The following NELL1 variants were observed in gnomAD, a reference collection of about 807,000 sequenced individuals.
NELL1 encodes protein kinase C-binding protein NELL1.
Under a neutral mutation model 107.4 loss-of-function variants are expected in NELL1, and 76 were observed. The observed-to-expected ratio is 0.71, with a 90% CI of 0.59 to 0.86. The LOEUF (loss-of-function observed/expected upper bound fraction) is 0.86, where lower values mean the gene tolerates loss of function less well. Among genes scored for constraint, NELL1 ranks in the 40% least tolerant of loss-of-function variants. The pLI, the probability that NELL1 is intolerant of heterozygous loss-of-function variation, is 0.00. For missense variants in NELL1, 1,024 were observed against 1,005.5 expected, an observed-to-expected ratio of 1.02 and a Z score of -0.25; for synonymous variants, 353 against 341.2, an observed-to-expected ratio of 1.03 and a Z score of -0.38.
intron 15 of NELL1, among the ~76,000 whole-genome samples, chr11:21,516,421 T>C (rs1482870454): frequency 1.3e-5 from 2 of 152,134 alleles, no homozygotes; most frequent in African/African-American, 4.8e-5. Context: ...AGTTACCCAT[T>C]GCTTAACAAC....
chr11:20,774,737 C>A (rs1856715438), intron 2 of NELL1, among the ~76,000 whole-genome samples: 1 of 152,112 alleles, frequency 6.6e-6, no homozygotes. Context: ...GGGTGGTTAG[C>A]AGAGGGCAGG....
intron 16 of NELL1, among the ~76,000 whole-genome samples, chr11:21,548,767 C>T (rs1022254209): frequency 6.6e-6 from 1 of 151,450 alleles, no homozygotes; most frequent in African/African-American, 2.4e-5. Flanking sequence ...GTGGGACAAG[C>T]CTGGCTTTAA....
intron 2 of NELL1, among the ~76,000 whole-genome samples, chr11:20,748,910 A>AT: frequency 6.8e-6 from 1 of 146,868 alleles, no homozygotes; most frequent in Non-Finnish European, 1.5e-5. Flanking sequence ...CCACCCAGCC[A>AT]CCCATCCATC....
At chr11:21,138,233 CAT>C (rs1455802554) in intron 13 of NELL1, among the ~76,000 whole-genome samples, 5 of 152,248 alleles carry the variant, frequency 3.3e-5, no homozygotes, top group African/African-American at 9.6e-5. Context: ...CTTCCTAGGG[CAT>C]TGCGGGGATT....
intron 15 of NELL1, among the ~76,000 whole-genome samples, chr11:21,427,899 C>G (rs1852867777): frequency 6.6e-6 from 1 of 152,144 alleles, no homozygotes; most frequent in Admixed American, 6.5e-5. Flanking sequence ...CTGCAACTTC[C>G]CAGTAATGTT....
intron 2 of NELL1, among the ~76,000 whole-genome samples, chr11:20,735,566 G>A (rs1855742993): frequency 6.6e-6 from 1 of 152,126 alleles, no homozygotes. Context: ...ACAATATGTG[G>A]GGATTATGGA....
At chr11:21,333,431 A>G (rs990339209) in intron 14 of NELL1, among the ~76,000 whole-genome samples, 1 of 152,108 alleles carries the variant, frequency 6.6e-6, no homozygotes, top group African/African-American at 2.4e-5. Flanking sequence ...TAGAAAGATT[A>G]AAAGATGAAG....
chr11:20,784,543 C>T (rs992740513), intron 3 of NELL1, among the ~76,000 whole-genome samples: 26 of 135,842 alleles, frequency 1.9e-4, no homozygotes, highest in African/African-American at 7.6e-4. Flanking sequence ...TTGGGGTGGG[C>T]GATGGGGCTG....
At chr11:21,344,407 C>G (rs1219091733) in intron 14 of NELL1, among the ~76,000 whole-genome samples, 2 of 152,042 alleles carry the variant, frequency 1.3e-5, no homozygotes, top group Non-Finnish European at 2.9e-5. Flanking sequence ...GGTGTAGAAG[C>G]TATAGTATTA....
rs188238106 is a variant in NELL1 at position 21,453,981 on chromosome 11, G to T, written c.1646-80393G>T. Among the ~76,000 whole-genome samples, 431 of 149,910 alleles carry T rather than the reference G, an allele frequency of 2.9e-3. 2 individuals carry two copies. The highest frequency in any genetic ancestry group is 9.9e-3 in the African/African-American group (406 of 40,830). On this transcript the variant is annotated intron_variant, in intron 15 of 19. Transcript: ENST00000357134. ...TTAGGGTACATGTGCACATTGTGCAGGTTAGTTACATATGTATACATGTGC... is the reference window on the plus strand; with the variant it reads ...TTAGGGTACATGTGCACATTGTGCATGTTAGTTACATATGTATACATGTGC...
chr11:20,809,476 G>A (rs879687652), intron 3 of NELL1, among the ~76,000 whole-genome samples: 8 of 151,774 alleles, frequency 5.3e-5, no homozygotes, highest in East Asian at 1.9e-4. Context: ...CTTGTTCTTC[G>A]TATCTAGTTG....
At chr11:20,973,640 C>T (rs543886993) in intron 12 of NELL1, among the ~76,000 whole-genome samples, 35 of 152,212 alleles carry the variant, frequency 2.3e-4, no homozygotes, top group African/African-American at 7.7e-4. Context: ...TTGTTAATTT[C>T]TTTCCAATTT....
chr11:20,930,952 A>C (rs1465058317), intron 9 of NELL1, among the ~76,000 whole-genome samples: 1 of 152,196 alleles, frequency 6.6e-6, no homozygotes, highest in African/African-American at 2.4e-5. Context: ...TATTCTAGAC[A>C]AACTTAAAAA....
rs1302058651 is a variant in NELL1 at position 20,783,826 on chromosome 11, C to A, written c.331C>A (p.His111Asn). 2 of 1,610,022 alleles carry A rather than the reference C, an allele frequency of 1.2e-6. No homozygotes were observed. The highest frequency in any genetic ancestry group is 1.7e-5 in the Admixed American group (1 of 59,446). Residue 111 changes from histidine (H) to asparagine (N), a missense_variant, in exon 3 of 20, where the codon CAC becomes AAC. His to Asn is a moderately conservative substitution (Grantham distance 68). Transcript: ENST00000357134. ...GATACTGTCCATTCGAGAACTGGAG[C>A]ACAGGTAAGAAAGCTCTTTCTGCTT... ...GVILSIRELEHSYFELESSGL... is the reference protein window; with the variant it reads ...GVILSIRELENSYFELESSGL...
chr11:20,835,240 T>C (rs1325420236), intron 3 of NELL1, among the ~76,000 whole-genome samples: 1 of 152,206 alleles, frequency 6.6e-6, no homozygotes, highest in African/African-American at 2.4e-5. Context: ...AAGGATGTAT[T>C]GTTGTCTATC....
chr11:20,732,566 T>C (rs540318167), intron 2 of NELL1, among the ~76,000 whole-genome samples: 21 of 152,206 alleles, frequency 1.4e-4, no homozygotes, highest in African/African-American at 3.4e-4. Flanking sequence ...TGGAGATCAT[T>C]TGGGGCTGGC....
At chr11:21,046,677 ATTATTTAT>A (rs34098589) in intron 12 of NELL1, among the ~76,000 whole-genome samples, 21,690 of 143,484 alleles carry the variant, frequency 0.15, 1,862 homozygotes, top group African/African-American at 0.23. Context: ...TATTTACTCA[ATTATTTAT>A]TTATTTATTT....
intron 12 of NELL1, among the ~76,000 whole-genome samples, chr11:21,055,577 C>A (rs556511917): frequency 4.6e-5 from 7 of 152,124 alleles, no homozygotes; most frequent in Non-Finnish European, 7.4e-5. Flanking sequence ...TGAATAGAAA[C>A]CTTCTTTCTT....
intron 2 of NELL1, among the ~76,000 whole-genome samples, chr11:20,772,302 G>A (rs1426385359): frequency 6.6e-6 from 1 of 152,172 alleles, no homozygotes; most frequent in African/African-American, 2.4e-5. Flanking sequence ...ATGCTCTCGT[G>A]TTGGGGACTA....
Sources: gnomAD v4.1 joint callset for allele counts (sites outside exome capture counted in the v4.1 genomes callset) on GRCh38, gnomAD v4.1.1 for gene constraint, MANE v1.5 for transcripts, NCBI Gene and HGNC (gene_info 2026-07-23, HGNC 2026-07-21) for gene names.